Variants in MYT1L observed in about 807,000 individuals in gnomAD.
MYT1L encodes myelin transcription factor 1 like.
MYT1L carries 12 observed loss-of-function variants against 126.7 expected under a neutral mutation model. The observed-to-expected ratio is 0.09, with a 90% confidence interval of 0.06 to 0.15. The LOEUF (loss-of-function observed/expected upper bound fraction) is 0.15. MYT1L is among the 10% of genes least tolerant of loss of function. MYT1L has a pLI of 1.00. For missense variants in MYT1L, 979 were observed against 1,585.2 expected (o/e 0.62, Z 6.49); for synonymous variants, 541 against 604.2 (o/e 0.90, Z 1.53).
intron 21 of MYT1L, among the ~76,000 whole-genome samples, chr2:1,829,694 C>A (rs572039520): frequency 1.2e-4 from 15 of 120,720 alleles, no homozygotes; most frequent in African/African-American, 6.3e-4. Context: ...CCCTCCCATA[C>A]ACCTGTGAAT....
chr2:2,195,266 C>T (rs991219248), intron 2 of MYT1L, among the ~76,000 whole-genome samples: 1 of 152,206 alleles, frequency 6.6e-6, no homozygotes, highest in Non-Finnish European at 1.5e-5. Context: ...GCTTAAGATT[C>T]ATGGCCTCCT....
At chr2:2,014,575 T>C (rs2064179906) in intron 4 of MYT1L, among the ~76,000 whole-genome samples, 1 of 152,218 alleles carries the variant, frequency 6.6e-6, no homozygotes, top group South Asian at 2.1e-4. Context: ...TGCTGGCAGC[T>C]TCTCAGGAGC....
intron 1 of MYT1L, among the ~76,000 whole-genome samples, chr2:2,315,631 G>T (rs905874643): frequency 6.6e-6 from 1 of 152,016 alleles, no homozygotes; most frequent in Non-Finnish European, 1.5e-5. Context: ...GTTTTTATTA[G>T]TTTCTCAATA....
At chr2:2,004,146 C>T (rs978096699) in intron 4 of MYT1L, among the ~76,000 whole-genome samples, 6 of 148,676 alleles carry the variant, frequency 4.0e-5, no homozygotes, top group African/African-American at 1.0e-4. Flanking sequence ...TTCCTGCATA[C>T]GTTCTTTCCT....
At chr2:2,101,356 T>C (rs1248414438) in intron 3 of MYT1L, among the ~76,000 whole-genome samples, 2 of 152,140 alleles carry the variant, frequency 1.3e-5, no homozygotes, top group African/African-American at 4.8e-5. Context: ...GCTGGCTGCT[T>C]AACCCTTTGG....
At chr2:1,813,103 C>G (rs1055076756) in intron 21 of MYT1L, among the ~76,000 whole-genome samples, 1 of 152,138 alleles carries the variant, frequency 6.6e-6, no homozygotes, top group Admixed American at 6.5e-5. Flanking sequence ...TCTGGCCTTC[C>G]GCCGTCTGAA....
chr2:1,919,286 TG>T (rs1289961360), intron 10 of MYT1L, among the ~76,000 whole-genome samples: 1 of 152,200 alleles, frequency 6.6e-6, no homozygotes, highest in Non-Finnish European at 1.5e-5. Flanking sequence ...TCATGCTATT[TG>T]CCTTCACCGT....
intron 4 of MYT1L, among the ~76,000 whole-genome samples, chr2:2,024,384 C>T (rs1254613093): frequency 6.6e-6 from 1 of 152,248 alleles, no homozygotes; most frequent in African/African-American, 2.4e-5. Context: ...TTCTGCCTTG[C>T]TCTTTCTGGC....
chr2:2,238,188 C>T (rs79904630), intron 2 of MYT1L, among the ~76,000 whole-genome samples: 2,761 of 152,186 alleles, frequency 0.018, 43 homozygotes, highest in Admixed American at 0.04. Flanking sequence ...GCTGTATTAA[C>T]TTATTGTAAG....
chr2:2,221,481 G>A (rs1173432998), intron 2 of MYT1L, among the ~76,000 whole-genome samples: 1 of 152,174 alleles, frequency 6.6e-6, no homozygotes, highest in African/African-American at 2.4e-5. Flanking sequence ...TCCTTGGGTG[G>A]CCACACTGTA....
chr2:1,813,180 G>A (rs540378583), intron 21 of MYT1L, among the ~76,000 whole-genome samples: 4 of 152,182 alleles, frequency 2.6e-5, no homozygotes, highest in Non-Finnish European at 5.9e-5. Context: ...GCTGCAGGTG[G>A]GGGGGAGAGA....
At chr2:2,024,654 A>T (rs1352445850) in intron 4 of MYT1L, among the ~76,000 whole-genome samples, 1 of 152,092 alleles carries the variant, frequency 6.6e-6, no homozygotes, top group Non-Finnish European at 1.5e-5. Flanking sequence ...TTTTTTTCCT[A>T]CCAAAGCTTC....
At chr2:2,117,680 ATTAAC>A (rs1333055474) in intron 3 of MYT1L, among the ~76,000 whole-genome samples, 2 of 152,234 alleles carry the variant, frequency 1.3e-5, no homozygotes, top group Non-Finnish European at 2.9e-5. Flanking sequence ...CATTAATTAT[ATTAAC>A]TTAACGGAAT....
chr2:2,150,556 T>C (rs905963422), intron 3 of MYT1L, among the ~76,000 whole-genome samples: 1 of 152,206 alleles, frequency 6.6e-6, no homozygotes, highest in African/African-American at 2.4e-5. Flanking sequence ...CTAAGACCAA[T>C]TGCTACCAGT....
chr2:2,000,940 T>A (rs910121182), intron 4 of MYT1L, among the ~76,000 whole-genome samples: 1 of 152,202 alleles, frequency 6.6e-6, no homozygotes, highest in Non-Finnish European at 1.5e-5. Context: ...CTGGTTCCCC[T>A]GGGAAGCTCA....
At chr2:1,839,099 G>A in intron 21 of MYT1L, 50 bp downstream of exon 21, 1 of 1,510,158 alleles carries the variant, frequency 6.6e-7, no homozygotes, top group Non-Finnish European at 9.0e-7. Context: ...GTGCCAGTCG[G>A]CTCTCGGCGG....
intron 5 of MYT1L, among the ~76,000 whole-genome samples, chr2:1,982,647 A>T (rs1303331517): frequency 3.3e-5 from 5 of 152,164 alleles, no homozygotes; most frequent in Non-Finnish European, 5.9e-5. Flanking sequence ...AAAGGCTTGG[A>T]GAGACAGGTG....
At chr2:2,076,693 A>G (rs562094650) in intron 3 of MYT1L, among the ~76,000 whole-genome samples, 5 of 152,350 alleles carry the variant, frequency 3.3e-5, no homozygotes, top group African/African-American at 1.2e-4. Flanking sequence ...TCTAGCAACA[A>G]CAGCAAGTCT....
intron 1 of MYT1L, among the ~76,000 whole-genome samples, chr2:2,297,484 T>C (rs1358798100): frequency 6.6e-6 from 1 of 152,158 alleles, no homozygotes; most frequent in Non-Finnish European, 1.5e-5. Flanking sequence ...GTACACAAGA[T>C]TCCCACCAAA....
Sources: gnomAD v4.1 joint callset for allele counts (sites outside exome capture counted in the v4.1 genomes callset) on GRCh38, gnomAD v4.1.1 for gene constraint, MANE v1.5 for transcripts, NCBI Gene and HGNC (gene_info 2026-07-23, HGNC 2026-07-21) for gene names.